HOXC12: variants seen among roughly 807,000 people sequenced by gnomAD.
HOXC12 encodes the protein homeobox C12.
A neutral mutation model predicts 20.9 loss-of-function variants in HOXC12; 24 were observed. That is an observed-to-expected ratio of 1.15 (90% CI 0.83 to 1.61). HOXC12 has a LOEUF of 1.61. Among genes scored for constraint, HOXC12 ranks in the 40% most tolerant of loss-of-function variants. The pLI, the probability that HOXC12 is intolerant of heterozygous loss-of-function variation, is 0.00. For missense variants in HOXC12, 436 were observed against 406.9 expected (o/e 1.07, Z -0.62); for synonymous variants, 202 against 197.7 (o/e 1.02, Z -0.18).
chr12:53,955,247 C>G lies in HOXC12; in HGVS notation c.318C>G (p.Gly106=). The G allele has an allele frequency of 6.4e-7, 1 of 1,569,630 alleles. No individual in the cohort carries two copies. The highest frequency in any genetic ancestry group is 1.8e-5 in the Admixed American group (1 of 56,744). ...REPCAEGGGG[G]LKREERGRDP... is the part of the protein sequence containing the mutation. Reference sequence around the variant, plus strand: ...CGTGCGCCGAGGGTGGCGGCGGGGGCCTGAAGCGTGAGGAGCGCGGGCGCG... The same window carrying G: ...CGTGCGCCGAGGGTGGCGGCGGGGGGCTGAAGCGTGAGGAGCGCGGGCGCG... The change falls in exon 1 of 2, where the codon GGC becomes GGG. Residue 106 remains glycine (G), a synonymous_variant. Coordinates refer to ENST00000243103, the MANE Select transcript of HOXC12 (RefSeq NM_173860.3).
Position 53,955,223 on chromosome 12 carries a change from G to T in HOXC12, c.294G>T (p.Pro98=). Residue 98 remains proline (P), a synonymous_variant, in exon 1 of 2, where the codon CCG becomes CCT. Transcript: ENST00000243103. ...ACGGCAAGGGTTACTACCGCGAGCCGTGCGCCGAGGGTGGCGGCGGGGGCC... is the reference window on the plus strand; with the variant it reads ...ACGGCAAGGGTTACTACCGCGAGCCTTGCGCCGAGGGTGGCGGCGGGGGCC... ...VEDGKGYYRE[P]CAEGGGGGLK... 1 of 1,598,108 alleles carries T rather than the reference G, an allele frequency of 6.3e-7. No homozygotes were observed.
chr12:53,955,673 G>A, intron 1 of HOXC12, 134 bp downstream of exon 1: 1 of 1,039,880 alleles, frequency 9.6e-7, no homozygotes, highest in South Asian at 3.4e-5. Context: ...AATGAAGTGC[G>A]GGTGGGGGGA....
In HOXC12 at chr12:53,956,416, T is replaced by G; in HGVS notation, c.699T>G (p.Phe233Leu). ...KLQLAELEGE[F>L]LVNEFITRQR... ...AACTGGCAGAGCTGGAGGGCGAGTT[T>G]CTGGTCAACGAGTTCATCACACGCC... Residue 233 changes from phenylalanine to leucine, a missense_variant, in exon 2 of 2, where the codon TTT (phenylalanine) becomes TTG (leucine). Transcript: ENST00000243103. 6.2e-7 allele frequency: 1 copy of G among 1,613,926 alleles called. No homozygotes were observed. The highest frequency in any genetic ancestry group is 8.5e-7 in the Non-Finnish European group (1 of 1,179,906).
rs549103763 is a variant in HOXC12, at chr12:53,955,142, C to T, written c.213C>T (p.Ser71=). ...GCTACCCGCAGCCCTACCTCGGCAG[C>T]CCAGTGTCTCTCAACCCTCCCTTCG... ...CNGYPQPYLG[S]PVSLNPPFGR... The change falls in exon 1 of 2, where the codon AGC becomes AGT. Residue 71 remains serine, a synonymous_variant. Transcript: ENST00000243103. 10 of 1,610,676 alleles carry T rather than the reference C, an allele frequency of 6.2e-6. No homozygotes were observed. In the African/African-American group the frequency reaches 1.2e-4, roughly 19 times the overall value.
At chr12:53,955,630 A>G (rs1938853599) in intron 1 of HOXC12, 91 bp downstream of exon 1, 1 of 1,249,714 alleles carries the variant, frequency 8.0e-7, no homozygotes, top group South Asian at 2.9e-5. Context: ...GCCCAGGGTG[A>G]CAGAATGTGT....
Position 53,955,480 on chromosome 12 carries a change from C to T in HOXC12, c.551C>T (p.Ala184Val), listed in dbSNP as rs1220912306. Residue 184 changes from alanine (A) to valine (V), a missense_variant, in exon 1 of 2, where the codon GCA (alanine) becomes GTA (valine). Coordinates refer to ENST00000243103, the MANE Select transcript of HOXC12 (RefSeq NM_173860.3). The stretch of plus-strand genomic sequence containing the variant: ...AACGAGGGCAACAAGGGCGCCGGCG[C>T]AGGCGACCCCGGCAGCTTGGTATCG... Reference protein sequence around the residue: ...LLNEGNKGAGAGDPGSLVSPL... With the variant: ...LLNEGNKGAGVGDPGSLVSPL... The T allele has an allele frequency of 2.0e-6, 3 of 1,500,180 alleles. No individual in the cohort carries two copies. The highest frequency in any genetic ancestry group is 4.3e-5 in the Admixed American group (2 of 46,510). The allele number at this position is 1,500,180 out of a possible 1,614,324, so 92.9% of individuals were successfully genotyped here. A position where few individuals can be genotyped will look rare whatever the true frequency, so the allele number is the denominator to read the frequency against.
In HOXC12 at chr12:53,955,328, T is replaced by G; in HGVS notation, c.399T>G (p.Pro133=). The G allele has an allele frequency of 7.5e-7, 1 of 1,339,006 alleles. No homozygotes were observed. The highest frequency in any genetic ancestry group is 3.5e-5 in the East Asian group (1 of 28,474). 82.9% of individuals were successfully genotyped at this position (1,339,006 alleles called of 1,614,324 possible). A position where few individuals can be genotyped will look rare whatever the true frequency, so the allele number is the denominator to read the frequency against. Residue 133 remains proline (P), a synonymous_variant, in exon 1 of 2, where the codon CCT becomes CCG. Coordinates refer to ENST00000243103, the MANE Select transcript of HOXC12 (RefSeq NM_173860.3). Reference sequence around the variant, plus strand: ...TCCCGCTGGAGCCGTCGGGGCCGCCTGCGCTCGGCTTCAAGTACGACTACG... The same window carrying G: ...TCCCGCTGGAGCCGTCGGGGCCGCCGGCGCTCGGCTTCAAGTACGACTACG... ...ALLPLEPSGP[P]ALGFKYDYAA...
Position 53,955,108 on chromosome 12 carries a change from C to T in HOXC12, c.179C>T (p.Pro60Leu). The T allele has an allele frequency of 6.2e-7, 1 of 1,612,042 alleles. No individual in the cohort carries two copies. Among genetic ancestry groups the T allele is most frequent in the South Asian group, 1.1e-5 (1 of 90,782 alleles). ...TCCCTGTCCTGGCCGTCGGCGGAGC[C>T]GTGCAATGGCTACCCGCAGCCCTAC... ...VCSLSWPSAE[P>L]CNGYPQPYLG... Residue 60 changes from proline to leucine, a missense_variant, in exon 1 of 2, where the codon CCG becomes CTG. Transcript: ENST00000243103.
Position 53,956,710 on chromosome 12 carries a change from C to T in HOXC12, c.*144C>T. On this transcript the variant is annotated 3_prime_UTR_variant, in exon 2 of 2. Transcript: ENST00000243103. ...TGGATATCCTCTTGTCTGTTTTGTTCGTGGTTCCCTCCCATACACACCCAA... is the reference window on the plus strand; with the variant it reads ...TGGATATCCTCTTGTCTGTTTTGTTTGTGGTTCCCTCCCATACACACCCAA... 1 of 659,032 alleles carries T rather than the reference C, an allele frequency of 1.5e-6. No individual in the cohort carries two copies. The highest frequency in any genetic ancestry group is 2.6e-6 in the Non-Finnish European group (1 of 377,930). 40.8% of individuals were successfully genotyped at this position (659,032 alleles called of 1,614,324 possible). A position where few individuals can be genotyped will look rare whatever the true frequency, so the allele number is the denominator to read the frequency against.
Position 53,955,215 on chromosome 12 carries a change from C to G in HOXC12, c.286C>G (p.Arg96Gly). 1 of 1,603,426 alleles carries G rather than the reference C, an allele frequency of 6.2e-7. No individual in the cohort carries two copies. The highest frequency in any genetic ancestry group is 8.5e-7 in the Non-Finnish European group (1 of 1,175,106). ...CGTGGAGGACGGCAAGGGTTACTAC[C>G]GCGAGCCGTGCGCCGAGGGTGGCGG... ...ARVEDGKGYY[R>G]EPCAEGGGGG... is the part of the protein sequence containing the mutation. Residue 96 changes from arginine (R) to glycine (G), a missense_variant, in exon 1 of 2, where the codon CGC (arginine) becomes GGC (glycine). Physicochemically the swap from Arg to Gly is moderately radical, Grantham distance 125. Transcript: ENST00000243103.
chr12:53,956,339 T>C lies in HOXC12; in HGVS notation c.622T>C (p.Tyr208His), dbSNP rs755769012. The change falls in exon 2 of 2, where the codon TAC becomes CAC. Residue 208 changes from tyrosine (Y) to histidine (H), a missense_variant. Coordinates refer to ENST00000243103, the MANE Select transcript of HOXC12 (RefSeq NM_173860.3). ...GGLSASGAPW[Y>H]PINSRSRKKR... ...TCATCTCCACCCAGGCGCGCCCTGG[T>C]ACCCGATCAACAGCCGCTCTCGGAA... is the stretch of plus-strand genomic sequence containing the variant. 6.3e-7 allele frequency: 1 copy of C among 1,595,224 alleles called. No homozygotes were observed. The highest frequency in any genetic ancestry group is 2.2e-5 in the East Asian group (1 of 44,668).
intron 1 of HOXC12, among the ~76,000 whole-genome samples, chr12:53,955,937 A>T (rs1244983603): frequency 2.0e-5 from 3 of 152,210 alleles, no homozygotes; most frequent in East Asian, 1.9e-4. Context: ...CCATTCGCCC[A>T]TATCTGTTGT....
chr12:53,955,406 C>T lies in HOXC12; in HGVS notation c.477C>T (p.Asp159=). 1 of 1,509,972 alleles carries T rather than the reference C, an allele frequency of 6.6e-7. No individual in the cohort carries two copies. Among genetic ancestry groups the T allele is most frequent in the East Asian group, 2.7e-5 (1 of 37,132 alleles). 93.5% of individuals were successfully genotyped at this position (1,509,972 alleles called of 1,614,324 possible). ...GCGGCGGCGCAGGACCTCCGCACGACCCGCCCTCCTGCCAGTCGCTGGAAT... is the reference window on the plus strand; with the variant it reads ...GCGGCGGCGCAGGACCTCCGCACGATCCGCCCTCCTGCCAGTCGCTGGAAT... ...DGGGGAGPPH[D]PPSCQSLESD... Residue 159 remains aspartate, a synonymous_variant, in exon 1 of 2, where the codon GAC becomes GAT. Coordinates refer to ENST00000243103, the MANE Select transcript of HOXC12 (RefSeq NM_173860.3).
rs1938904310 is a variant in HOXC12 at position 53,958,401 on chromosome 12, C to G, written c.*1835C>G. On this transcript the variant is annotated 3_prime_UTR_variant, in exon 2 of 2. Coordinates refer to ENST00000243103, the MANE Select transcript of HOXC12 (RefSeq NM_173860.3). ...TAAAATCACATGCCTCCATCCCCCG[C>G]TGGGTATCTGACACCTGACAATTCC... 1 of 152,344 alleles carries G rather than the reference C, an allele frequency of 6.6e-6. No homozygotes were observed. Among genetic ancestry groups the G allele is most frequent in the Non-Finnish European group, 1.5e-5 (1 of 68,078 alleles). 9.4% of individuals were successfully genotyped at this position (152,344 alleles called of 1,614,324 possible). A position where few individuals can be genotyped will look rare whatever the true frequency, so the allele number is the denominator to read the frequency against.
At chr12:53,955,591 G>A in intron 1 of HOXC12, 52 bp downstream of exon 1, 1 of 1,365,650 alleles carries the variant, frequency 7.3e-7, no homozygotes. Flanking sequence ...CTCTTACCAG[G>A]GCGGGCAGAA....
In HOXC12 at chr12:53,956,117, A is replaced by G. The variant is rs180807105; in HGVS notation, c.611-211A>G. 5.8e-3 allele frequency among the ~76,000 whole-genome samples: 889 copies of G among 152,028 alleles called. 3 individuals carry two copies. The highest frequency in any genetic ancestry group is 0.028 in the South Asian group (133 of 4,806). ...GGAGGTAAGAGCAAAGAATGAAAGG[A>G]AAAAAAAGAGTAAAGAAAGTGGGGG... is the stretch of plus-strand genomic sequence containing the variant. On this transcript the variant is annotated intron_variant, in intron 1 of 1. Transcript: ENST00000243103.
chr12:53,955,488 C>T lies in HOXC12; in HGVS notation c.559C>T (p.Pro187Ser), dbSNP rs1211397120. Reference sequence around the variant, plus strand: ...CAACAAGGGCGCCGGCGCAGGCGACCCCGGCAGCTTGGTATCGCCGTTGAA... The same window carrying T: ...CAACAAGGGCGCCGGCGCAGGCGACTCCGGCAGCTTGGTATCGCCGTTGAA... The part of the protein sequence containing the change: ...EGNKGAGAGD[P>S]GSLVSPLNPG... Residue 187 changes from proline to serine, a missense_variant, in exon 1 of 2, where the codon CCC (proline) becomes TCC (serine). Physicochemically the swap from Pro to Ser is moderately conservative, Grantham distance 74. Coordinates refer to ENST00000243103, the MANE Select transcript of HOXC12 (RefSeq NM_173860.3). 52 of 1,493,504 alleles carry T rather than the reference C, an allele frequency of 3.5e-5. No individual in the cohort carries two copies. The East Asian group carries it at 1.4e-3, about 41-fold the overall frequency. The allele number at this position is 1,493,504 out of a possible 1,614,324, so 92.5% of individuals were successfully genotyped here.
rs1053955185 is a variant in HOXC12, at chr12:53,958,230, C to A, written c.*1664C>A. 2.0e-5 allele frequency: 3 copies of A among 152,418 alleles called. No homozygotes were observed. The highest frequency in any genetic ancestry group is 7.2e-5 in the African/African-American group (3 of 41,446). The allele number at this position is 152,418 out of a possible 1,614,324, so 9.4% of individuals were successfully genotyped here. A position where few individuals can be genotyped will look rare whatever the true frequency, so the allele number is the denominator to read the frequency against. ...TCCACCGAGCTTTTTACTCTCCCACCAGCACACAGCTTCTGTACAGGCAGA... is the reference window on the plus strand; with the variant it reads ...TCCACCGAGCTTTTTACTCTCCCACAAGCACACAGCTTCTGTACAGGCAGA... On this transcript the variant is annotated 3_prime_UTR_variant, in exon 2 of 2. Transcript: ENST00000243103.
In HOXC12 at chr12:53,955,097, G is replaced by A. The variant is rs761620017; in HGVS notation, c.168G>A (p.Pro56=). The A allele has an allele frequency of 1.9e-6, 3 of 1,612,340 alleles. No individual in the cohort carries two copies. Among genetic ancestry groups the A allele is most frequent in the East Asian group, 4.5e-5 (2 of 44,776 alleles). Residue 56 remains proline, a synonymous_variant, in exon 1 of 2, where the codon CCG becomes CCA. Transcript: ENST00000243103. ...RRDNVCSLSW[P]SAEPCNGYPQ... The stretch of plus-strand genomic sequence containing the variant: ...ACAACGTGTGCTCCCTGTCCTGGCC[G>A]TCGGCGGAGCCGTGCAATGGCTACC...
Sources: gnomAD v4.1 joint callset for allele counts (sites outside exome capture counted in the v4.1 genomes callset) on GRCh38, gnomAD v4.1.1 for gene constraint, MANE v1.5 for transcripts, NCBI Gene and HGNC (gene_info 2026-07-23, HGNC 2026-07-21) for gene names.